Variants in WWC2 observed in about 807,000 individuals in gnomAD.
WWC2 encodes the protein protein WWC2.
Under a neutral mutation model 138.5 loss-of-function variants are expected in WWC2, and 101 were observed. That is an observed-to-expected ratio of 0.73 (90% CI 0.62 to 0.86). The LOEUF is 0.86. Among genes scored for constraint, WWC2 ranks in the 40% least tolerant of loss-of-function variants. The probability of loss-of-function intolerance (pLI) is 0.00; values close to 1 mark genes in which losing one functional copy is unlikely to be tolerated. For missense variants in WWC2, 1,420 were observed against 1,419.4 expected (o/e 1.00, Z -0.01); for synonymous variants, 558 against 538.4 (o/e 1.04, Z -0.50).
chr4:183,129,456 C>T (rs1032335238), intron 1 of WWC2, among the ~76,000 whole-genome samples: 12 of 152,164 alleles, frequency 7.9e-5, no homozygotes, highest in Non-Finnish European at 1.3e-4. Context: ...TAAGGTCTGT[C>T]TTGTGAAAGA....
At chr4:183,110,484 C>T (rs529984242) in intron 1 of WWC2, among the ~76,000 whole-genome samples, 60 of 147,642 alleles carry the variant, frequency 4.1e-4, no homozygotes, top group South Asian at 1.9e-3. Flanking sequence ...TACTTTTTGC[C>T]CTGATGTCAG....
At chr4:183,256,204 A>G (rs1347868692) in intron 9 of WWC2, among the ~76,000 whole-genome samples, 1 of 152,184 alleles carries the variant, frequency 6.6e-6, no homozygotes, top group Non-Finnish European at 1.5e-5. Context: ...CCAAAGGCAA[A>G]TCCTCATACT....
intron 1 of WWC2, among the ~76,000 whole-genome samples, chr4:183,176,085 T>C (rs926071370): frequency 6.6e-6 from 1 of 152,234 alleles, no homozygotes. Flanking sequence ...AGTATAGTTA[T>C]CAAACATTCC....
intron 1 of WWC2, among the ~76,000 whole-genome samples, chr4:183,149,408 A>G (rs887074920): frequency 2.6e-5 from 4 of 152,118 alleles, no homozygotes; most frequent in Non-Finnish European, 5.9e-5. Flanking sequence ...AGATCACCTG[A>G]GGTTGGGAGT....
At chr4:183,284,120 C>T (rs1738166596) in intron 18 of WWC2, 106 bp from the exon 19 acceptor site, 2 of 1,386,518 alleles carry the variant, frequency 1.4e-6, no homozygotes, top group South Asian at 1.4e-5. Flanking sequence ...CCATAGTGCT[C>T]CATGAGTCTC....
chr4:183,145,529 T>C (rs568574988), intron 1 of WWC2, among the ~76,000 whole-genome samples: 31 of 152,318 alleles, frequency 2.0e-4, no homozygotes, highest in African/African-American at 6.5e-4. Flanking sequence ...AGGGAATGGG[T>C]TGGGCATAGT....
At chr4:183,312,214 C>A in intron 21 of WWC2, 127 bp from the exon 22 acceptor site, 1 of 1,297,932 alleles carries the variant, frequency 7.7e-7, no homozygotes, top group Non-Finnish European at 1.1e-6. Flanking sequence ...AAAAAGGACA[C>A]CAGCCCACTG....
At chr4:183,229,215 A>G (rs1448083972) in intron 4 of WWC2, among the ~76,000 whole-genome samples, 1 of 152,056 alleles carries the variant, frequency 6.6e-6, no homozygotes, top group Non-Finnish European at 1.5e-5. Context: ...TGTATGTTGT[A>G]CTTCTAAGAA....
chr4:183,099,590 C>A lies in WWC2; in HGVS notation c.99C>A (p.Thr33=). 2 of 1,394,510 alleles carry A rather than the reference C, an allele frequency of 1.4e-6. No homozygotes were observed. Among genetic ancestry groups the A allele is most frequent in the African/African-American group, 1.5e-5 (1 of 66,788 alleles). 86.4% of individuals were successfully genotyped at this position (1,394,510 alleles called of 1,614,324 possible). Residue 33 remains threonine, a synonymous_variant, in exon 1 of 23, where the codon ACC becomes ACA. Coordinates refer to ENST00000403733, the MANE Select transcript of WWC2 (RefSeq NM_024949.6). Reference sequence around the variant, plus strand: ...AGGTCTTCTACATTGACCACAACACCAGGAGGACCAGCTGGATCGACCCCC... The same window carrying A: ...AGGTCTTCTACATTGACCACAACACAAGGAGGACCAGCTGGATCGACCCCC... ...DGKVFYIDHN[T]RRTSWIDPRD...
chr4:183,268,195 A>G (rs1737569699), intron 14 of WWC2, among the ~76,000 whole-genome samples: 1 of 152,224 alleles, frequency 6.6e-6, no homozygotes, highest in Admixed American at 6.5e-5. Context: ...AAGCCTGGAA[A>G]TGGGGGTGGA....
At chr4:183,213,582 T>A (rs900194696) in intron 4 of WWC2, among the ~76,000 whole-genome samples, 5 of 152,258 alleles carry the variant, frequency 3.3e-5, no homozygotes, top group African/African-American at 9.6e-5. Flanking sequence ...TAGAAGCACC[T>A]GTCTAAAATA....
At position 183,208,039 on chromosome 4, in the gene WWC2, GC is replaced by G; in HGVS notation, c.331del (p.Leu111SerfsTer10). 1 of 1,613,870 alleles carries G rather than the reference GC, an allele frequency of 6.2e-7. No individual in the cohort carries two copies. Among genetic ancestry groups the G allele is most frequent in the East Asian group, 2.2e-5 (1 of 44,878 alleles). On this transcript the variant is annotated frameshift_variant, in exon 3 of 23. Coordinates refer to ENST00000403733, the MANE Select transcript of WWC2 (RefSeq NM_024949.6). LOFTEE classifies it high-confidence loss of function. The stretch of plus-strand genomic sequence containing the variant: ...GGACTACCTCTCTGTGGCACAGGAT[GC>G]CCTCCGGACACAGAAGGAACTGTAC... ...LKDYLSVAQDALRTQKELYHV... is the reference protein window; with the variant it reads ...LKDYLSVAQDXLRTQKELYHV...
At chr4:183,245,248 AAG>A (rs369345159) in intron 5 of WWC2, among the ~76,000 whole-genome samples, 166 bp from the exon 6 acceptor site, 6 of 146,560 alleles carry the variant, frequency 4.1e-5, no homozygotes, top group Admixed American at 2.0e-4. Flanking sequence ...AAAAAAAAAA[AAG>A]AGAGAGAAAG....
At chr4:183,162,968 T>TGA (rs2111144085) in intron 1 of WWC2, among the ~76,000 whole-genome samples, 1 of 152,202 alleles carries the variant, frequency 6.6e-6, no homozygotes, top group Non-Finnish European at 1.5e-5. Flanking sequence ...AGTGCCTTGG[T>TGA]GAGATGAGAT....
intron 8 of WWC2, among the ~76,000 whole-genome samples, chr4:183,252,299 A>G (rs1045463469): frequency 6.6e-6 from 1 of 152,220 alleles, no homozygotes; most frequent in Non-Finnish European, 1.5e-5. Flanking sequence ...CTGTAGAAAC[A>G]TAGATTCCTT....
At chr4:183,123,978 G>A (rs1732682582) in intron 1 of WWC2, among the ~76,000 whole-genome samples, 1 of 151,956 alleles carries the variant, frequency 6.6e-6, no homozygotes, top group Non-Finnish European at 1.5e-5. Flanking sequence ...AAAAAAATTC[G>A]GAACGTTCAT....
At chr4:183,304,030 A>G (rs962618914) in intron 21 of WWC2, among the ~76,000 whole-genome samples, 3 of 152,174 alleles carry the variant, frequency 2.0e-5, no homozygotes, top group Non-Finnish European at 2.9e-5. Flanking sequence ...ATGTTATGAA[A>G]TCATTAAAAG....
intron 1 of WWC2, among the ~76,000 whole-genome samples, chr4:183,148,920 G>A (rs1337701639): frequency 6.6e-6 from 1 of 152,000 alleles, no homozygotes; most frequent in Non-Finnish European, 1.5e-5. Flanking sequence ...ACTTTTTAAA[G>A]TATCAAATCC....
At chr4:183,308,765 A>G (rs1242461026) in intron 21 of WWC2, among the ~76,000 whole-genome samples, 1 of 152,198 alleles carries the variant, frequency 6.6e-6, no homozygotes, top group Non-Finnish European at 1.5e-5. Flanking sequence ...ATATTTAATG[A>G]CAGTAGTAAT....
Sources: gnomAD v4.1 joint callset for allele counts (sites outside exome capture counted in the v4.1 genomes callset) on GRCh38, gnomAD v4.1.1 for gene constraint, MANE v1.5 for transcripts, NCBI Gene and HGNC (gene_info 2026-07-23, HGNC 2026-07-21) for gene names.